The following DYNC1I2 variants were observed in gnomAD, a reference collection of about 807,000 sequenced individuals.
The protein encoded by DYNC1I2 is dynein cytoplasmic 1 intermediate chain 2, also known as cytoplasmic dynein 1 intermediate chain 2.
Under a neutral mutation model 88.6 loss-of-function variants are expected in DYNC1I2, and 53 were observed. That is an observed-to-expected ratio of 0.60 (90% confidence interval 0.48 to 0.75). DYNC1I2 has a LOEUF of 0.75. Among genes scored for constraint, DYNC1I2 ranks in the 30% least tolerant of loss-of-function variants. The pLI is 0.00. For missense variants in DYNC1I2, 458 were observed against 766.6 expected (o/e 0.60, Z 4.75); for synonymous variants, 198 against 254.6 (o/e 0.78, Z 2.12).
chr2:171,743,961 T>A, intron 15 of DYNC1I2, 88 bp from the exon 16 acceptor site: 5 of 1,174,202 alleles, frequency 4.3e-6, no homozygotes, highest in Non-Finnish European at 4.5e-6. Flanking sequence ...ACCTGTTGAA[T>A]GTATGTCATT....
intron 5 of DYNC1I2, among the ~76,000 whole-genome samples, chr2:171,709,909 G>A (rs1022778579): frequency 2.6e-5 from 4 of 151,942 alleles, no homozygotes; most frequent in African/African-American, 9.7e-5. Context: ...TAAAGACAGG[G>A]TTTCACCATG....
chr2:171,707,712 A>G (rs866282772), intron 5 of DYNC1I2, among the ~76,000 whole-genome samples: 3 of 152,168 alleles, frequency 2.0e-5, no homozygotes, highest in Non-Finnish European at 2.9e-5. Context: ...TTTTGGGTGT[A>G]AATAGTGTAA....
At chr2:171,736,803 T>C (rs1188926009) in intron 15 of DYNC1I2, among the ~76,000 whole-genome samples, 1 of 152,220 alleles carries the variant, frequency 6.6e-6, no homozygotes, top group Non-Finnish European at 1.5e-5. Flanking sequence ...GGAAGAGAAT[T>C]CATTTATTTC....
intron 15 of DYNC1I2, among the ~76,000 whole-genome samples, chr2:171,741,666 T>A (rs1001396597): frequency 1.3e-5 from 2 of 152,236 alleles, no homozygotes; most frequent in Non-Finnish European, 2.9e-5. Context: ...CAAAAGTATT[T>A]AATTTTGATG....
Position 171,726,872 on chromosome 2 carries a change from A to G in DYNC1I2, c.952A>G (p.Met318Val), listed in dbSNP as rs770071368. 4 of 1,612,266 alleles carry G rather than the reference A, an allele frequency of 2.5e-6. No individual in the cohort carries two copies. Among genetic ancestry groups the G allele is most frequent in the Non-Finnish European group, 3.4e-6 (4 of 1,179,050 alleles). Residue 318 changes from methionine (M) to valine (V), a missense_variant, in exon 11 of 18, where the codon ATG (methionine) becomes GTG (valine). By Grantham distance (21) the Met-to-Val change is conservative. Around this residue, in one of 5 missense-constraint regions of DYNC1I2, gnomAD observed 203 missense variants for 354.2 expected, o/e 0.57. Coordinates refer to ENST00000397119, the MANE Select transcript of DYNC1I2 (RefSeq NM_001378.3). ...EPDGVALVWNMKYKKTTPEYV... is the reference protein window; with the variant it reads ...EPDGVALVWNVKYKKTTPEYV... ...TGATGGTGTGGCCCTTGTATGGAAT[A>G]TGAAATACAAAAAAACTACCCCAGA...
At chr2:171,702,730 G>GTTT (rs879462191) in intron 3 of DYNC1I2, among the ~76,000 whole-genome samples, 3 of 144,820 alleles carry the variant, frequency 2.1e-5, no homozygotes, top group Non-Finnish European at 4.6e-5. Context: ...TTTGCTGGTA[G>GTTT]TTTTTTTTTT....
chr2:171,740,963 C>T (rs982220844), intron 15 of DYNC1I2, among the ~76,000 whole-genome samples: 1 of 152,034 alleles, frequency 6.6e-6, no homozygotes, highest in African/African-American at 2.4e-5. Flanking sequence ...CACATTCTCC[C>T]CTACCCCCAC....
Position 171,728,315 on chromosome 2 carries a change from A to G in DYNC1I2, c.1154A>G (p.Tyr385Cys), listed in dbSNP as rs749525990. 2 of 1,591,168 alleles carry G rather than the reference A, an allele frequency of 1.3e-6. No homozygotes were observed. Among genetic ancestry groups the G allele is most frequent in the Non-Finnish European group, 1.7e-6 (2 of 1,170,826 alleles). ...LSAAAHTHPVYCVNVVGTQNA... is the reference protein window; with the variant it reads ...LSAAAHTHPVCCVNVVGTQNA... ...TTTTAATATCTCTAGCACCCTGTAT[A>G]TTGTGTAAATGTTGTTGGAACACAA... The change falls in exon 13 of 18, where the codon TAT becomes TGT. Residue 385 changes from tyrosine (Y) to cysteine (C), a missense_variant. Tyr to Cys is a radical substitution (Grantham distance 194). Around this residue, in one of 5 missense-constraint regions of DYNC1I2, gnomAD observed 2 missense variants for 20.7 expected, o/e 0.10. Transcript: ENST00000397119.
At chr2:171,727,185 G>C (rs952802124) in intron 11 of DYNC1I2, among the ~76,000 whole-genome samples, 1 of 152,086 alleles carries the variant, frequency 6.6e-6, no homozygotes, top group African/African-American at 2.4e-5. Context: ...TATGGTGATT[G>C]ACTGTATAAA....
chr2:171,739,933 T>A (rs987349761), intron 15 of DYNC1I2, among the ~76,000 whole-genome samples: 9 of 152,130 alleles, frequency 5.9e-5, no homozygotes, highest in African/African-American at 2.2e-4. Flanking sequence ...CTCAAACTCC[T>A]GGCCTCAAGT....
At chr2:171,697,001 A>G (rs1239600758) in intron 3 of DYNC1I2, among the ~76,000 whole-genome samples, 1 of 150,878 alleles carries the variant, frequency 6.6e-6, no homozygotes, top group Non-Finnish European at 1.5e-5. Flanking sequence ...CTTAATTATT[A>G]TTATTATTAT....
chr2:171,732,673 TAAAACCAAAGC>T (rs1175834549), intron 15 of DYNC1I2, among the ~76,000 whole-genome samples: 1 of 152,212 alleles, frequency 6.6e-6, no homozygotes, highest in African/African-American at 2.4e-5. Context: ...GATAAACCTA[TAAAACCAAAGC>T]AAGATGCAGA....
At chr2:171,688,818 G>A (rs1165886387) in intron 1 of DYNC1I2, among the ~76,000 whole-genome samples, 1 of 152,072 alleles carries the variant, frequency 6.6e-6, no homozygotes, top group African/African-American at 2.4e-5. Context: ...TGCTTTTTAA[G>A]AGATTTCCCC....
At chr2:171,719,675 T>C (rs773900112) in intron 7 of DYNC1I2, among the ~76,000 whole-genome samples, 64 of 152,332 alleles carry the variant, frequency 4.2e-4, no homozygotes, top group Non-Finnish European at 8.2e-4. Flanking sequence ...TTTTGTATTC[T>C]TTTTTTAAAT....
At chr2:171,707,945 G>A (rs909304369) in intron 5 of DYNC1I2, among the ~76,000 whole-genome samples, 19 of 152,024 alleles carry the variant, frequency 1.2e-4, no homozygotes, top group African/African-American at 4.6e-4. Context: ...ATTACATTTC[G>A]TGTTTGTTTT....
chr2:171,712,984 T>A (rs1233435517), intron 6 of DYNC1I2, among the ~76,000 whole-genome samples, 158 bp downstream of exon 6: 1 of 152,198 alleles, frequency 6.6e-6, no homozygotes, highest in Non-Finnish European at 1.5e-5. Flanking sequence ...GTATCTTTAG[T>A]GAAAGAATAT....
chr2:171,707,201 A>G (rs1371797013), intron 4 of DYNC1I2, 86 bp from the exon 5 acceptor site: 25 of 1,585,090 alleles, frequency 1.6e-5, no homozygotes, highest in Non-Finnish European at 2.1e-5. Context: ...TTTGTTAATT[A>G]CTTCATTAAA....
intron 5 of DYNC1I2, among the ~76,000 whole-genome samples, chr2:171,710,245 CA>C (rs1163342783): frequency 6.6e-6 from 1 of 151,160 alleles, no homozygotes; most frequent in African/African-American, 2.5e-5. Context: ...GTGATATTGG[CA>C]GTGAAATAAT....
chr2:171,717,603 C>T (rs1687603488), intron 7 of DYNC1I2, among the ~76,000 whole-genome samples: 1 of 152,028 alleles, frequency 6.6e-6, no homozygotes, highest in Non-Finnish European at 1.5e-5. Flanking sequence ...AAGTATGGAG[C>T]TTTCAGTATG....
Sources: allele counts gnomAD v4.1 joint callset (sites outside exome capture counted in the v4.1 genomes callset), GRCh38; gene constraint gnomAD v4.1.1; regional missense constraint gnomAD v4.1.1; transcripts MANE v1.5; gene names NCBI Gene and HGNC (gene_info 2026-07-23, HGNC 2026-07-21).